Variants in ZNF565 observed in about 807,000 individuals in gnomAD.
The protein encoded by ZNF565 is zinc finger protein 565.
Under a neutral mutation model 39.4 loss-of-function variants are expected in ZNF565, and 27 were observed. That is an observed-to-expected ratio of 0.69 (90% confidence interval 0.51 to 0.95). The LOEUF (loss-of-function observed/expected upper bound fraction) is 0.95. Among genes scored for constraint, ZNF565 ranks in the 40% least tolerant of loss-of-function variants. The pLI, the probability that ZNF565 is intolerant of heterozygous loss-of-function variation, is 0.00. For missense variants in ZNF565, 524 were observed against 621.1 expected, an observed-to-expected ratio of 0.84 and a Z score of 1.66; for synonymous variants, 185 against 216.6, an observed-to-expected ratio of 0.85 and a Z score of 1.28.
chr19:36,243,293 C>G (rs971005968), intron 1 of ZNF565, among the ~76,000 whole-genome samples: 1 of 152,136 alleles, frequency 6.6e-6, no homozygotes, highest in Non-Finnish European at 1.5e-5. Flanking sequence ...CTCGGCCTTC[C>G]AAAGTGTGGG....
intron 4 of ZNF565, among the ~76,000 whole-genome samples, chr19:36,187,122 G>A (rs1975329477): frequency 2.6e-5 from 4 of 151,918 alleles, no homozygotes; most frequent in Admixed American, 1.3e-4. Flanking sequence ...CCCAGGGGGC[G>A]GAGGTTGCGG....
intron 1 of ZNF565, chr19:36,237,512 CAG>C: frequency 1.8e-6 from 1 of 543,818 alleles, no homozygotes; most frequent in Non-Finnish European, 3.0e-6. Context: ...CTGTGTCCAA[CAG>C]AGAAACCTGC....
At chr19:36,236,862 C>G (rs768499137) in intron 1 of ZNF565, 1 of 1,614,102 alleles carries the variant, frequency 6.2e-7, no homozygotes, top group Non-Finnish European at 8.5e-7. Flanking sequence ...AGTGGCAAAT[C>G]CAACCTTACT....
chr19:36,185,965 A>AT, intron 4 of ZNF565, among the ~76,000 whole-genome samples: 1 of 151,482 alleles, frequency 6.6e-6, no homozygotes, highest in South Asian at 2.1e-4. Flanking sequence ...AAGTGCTGGG[A>AT]TTACGGGCGT....
intron 1 of ZNF565, among the ~76,000 whole-genome samples, chr19:36,213,598 C>T (rs1459373872): frequency 6.6e-6 from 1 of 152,064 alleles, no homozygotes; most frequent in African/African-American, 2.4e-5. Flanking sequence ...GTTGGCCAGG[C>T]TGGTCTAGAA....
intron 1 of ZNF565, chr19:36,235,923 C>G (rs1320069795): frequency 6.6e-6 from 1 of 152,554 alleles, no homozygotes; most frequent in Non-Finnish European, 1.5e-5. Flanking sequence ...GGGAGCTTCT[C>G]TACCACAGCT....
chr19:36,212,106 C>T (rs1440280555), intron 1 of ZNF565, among the ~76,000 whole-genome samples: 5 of 152,260 alleles, frequency 3.3e-5, no homozygotes, highest in Admixed American at 2.6e-4. Flanking sequence ...CCTCGTGGGT[C>T]CCTGGCATGA....
chr19:36,229,307 A>G (rs1316753728), intron 1 of ZNF565, among the ~76,000 whole-genome samples: 1 of 152,124 alleles, frequency 6.6e-6, no homozygotes, highest in Non-Finnish European at 1.5e-5. Context: ...TCCTCTGCCT[A>G]CCTTTCTTCT....
At chr19:36,220,205 G>A (rs1976773631) in intron 1 of ZNF565, among the ~76,000 whole-genome samples, 1 of 151,702 alleles carries the variant, frequency 6.6e-6, no homozygotes, top group African/African-American at 2.4e-5. Flanking sequence ...ATTGCCCAGG[G>A]GTAACATTGT....
At chr19:36,218,089 G>A (rs1032793312), upstream of ZNF565, 2 of 75,538 alleles carry the variant, frequency 2.6e-5, no homozygotes, top group Non-Finnish European at 5.3e-5. Flanking sequence ...ACAGGCATGA[G>A]CTAATTTTTT....
chr19:36,205,971 CT>C (rs1213184721), intron 1 of ZNF565, among the ~76,000 whole-genome samples: 1 of 132,638 alleles, frequency 7.5e-6, no homozygotes, highest in Admixed American at 7.5e-5. Context: ...TTTTTTTTTT[CT>C]TTTTTTTGAG....
intron 1 of ZNF565, among the ~76,000 whole-genome samples, chr19:36,239,016 A>G (rs761355540): frequency 1.7e-4 from 26 of 152,314 alleles, no homozygotes; most frequent in Admixed American, 2.6e-4. Flanking sequence ...GAGGTGGAAC[A>G]GTTTCATCCT....
chr19:36,240,552 A>G (rs926371789), intron 1 of ZNF565, among the ~76,000 whole-genome samples: 2 of 152,216 alleles, frequency 1.3e-5, no homozygotes, highest in African/African-American at 4.8e-5. Context: ...TGGTAATGGC[A>G]TGAAAGGTTG....
rs1187302022 is a variant in ZNF565 at position 36,209,553 on chromosome 19, G to T, written c.-66+5069C>A. 1.4e-5 allele frequency among the ~76,000 whole-genome samples: 2 copies of T among 143,812 alleles called. 1 individual carries two copies. The highest frequency in any genetic ancestry group is 3.0e-5 in the Non-Finnish European group (2 of 66,620). The allele number at this position is 143,812 out of a possible 152,430, so 94.3% of individuals were successfully genotyped here. On this transcript the variant is annotated intron_variant, in intron 1 of 4. Transcript: ENST00000304116. ...ACCAACAAAAAACAATGGGCAATGG[G>T]ATTGGGAGAGAAGAAATGATGACTC... is the stretch of plus-strand genomic sequence containing the variant.
Position 36,245,865 on chromosome 19 carries a change from G to T in ZNF565, c.-335C>A, listed in dbSNP as rs1479795751. 3.3e-6 allele frequency: 1 copy of T among 306,966 alleles called. No individual in the cohort carries two copies. Among genetic ancestry groups the T allele is most frequent in the Non-Finnish European group, 6.0e-6 (1 of 165,316 alleles). The allele number at this position is 306,966 out of a possible 1,614,324, so 19.0% of individuals were successfully genotyped here. A position where few individuals can be genotyped will look rare whatever the true frequency, so the allele number is the denominator to read the frequency against. On this transcript the variant is annotated 5_prime_UTR_variant, in exon 1 of 5. Coordinates refer to the ZNF565 transcript ENST00000355114. The surrounding 1 kb of genome is among the most constrained non-coding windows in gnomAD (Gnocchi z 4.4). Reference sequence around the variant, plus strand: ...GGATCCGCTGTCTCGGTTTGGGTGCGGGGCCTTGGCTCAGGCGGAACCCGA... The same window carrying T: ...GGATCCGCTGTCTCGGTTTGGGTGCTGGGCCTTGGCTCAGGCGGAACCCGA...
rs1271641798 is a variant in ZNF565 at position 36,198,005 on chromosome 19, T to C, written c.10-2849A>G. Among the ~76,000 whole-genome samples the C allele has an allele frequency of 2.6e-5, 4 of 151,936 alleles. No homozygotes were observed. The East Asian group carries it at 7.7e-4, about 29-fold the overall frequency. The stretch of plus-strand genomic sequence containing the variant: ...TCTACTAAAAATACAAAAAATTAGC[T>C]GGGCATGGTAGCGTGCGCCTGTAAT... On this transcript the variant is annotated intron_variant, in intron 2 of 4. Coordinates refer to ENST00000304116, the MANE Select transcript of ZNF565 (RefSeq NM_152477.5).
chr19:36,217,053 G>GTTTTTT (rs1568427584), upstream of ZNF565, among the ~76,000 whole-genome samples: 2 of 71,826 alleles, frequency 2.8e-5, no homozygotes, highest in African/African-American at 9.7e-5. Flanking sequence ...GCCAGTCCCT[G>GTTTTTT]TCTTTTTTTT....
At chr19:36,230,905 GATTCT>G (rs1568434412) in intron 1 of ZNF565, among the ~76,000 whole-genome samples, 2 of 152,046 alleles carry the variant, frequency 1.3e-5, no homozygotes, top group African/African-American at 4.8e-5. Flanking sequence ...AGGTTCAAGC[GATTCT>G]CCTGCCTTAG....
chr19:36,201,473 CATTT>C (rs148396637), intron 2 of ZNF565, among the ~76,000 whole-genome samples: 25,124 of 151,524 alleles, frequency 0.17, 2,490 homozygotes, highest in Non-Finnish European at 0.22. Context: ...CTGCTAAGAG[CATTT>C]ATTTATTTAT....
Sources: allele counts gnomAD v4.1 joint callset (sites outside exome capture counted in the v4.1 genomes callset), GRCh38; gene constraint gnomAD v4.1.1; non-coding constraint Gnocchi (gnomAD v3.1); transcripts MANE v1.5; gene names NCBI Gene and HGNC (gene_info 2026-07-23, HGNC 2026-07-21).